COL5A1: variants seen among roughly 807,000 people sequenced by gnomAD.
COL5A1 encodes collagen type V alpha 1 chain.
COL5A1 carries 16 observed loss-of-function variants against 263.7 expected under a neutral mutation model. That is an observed-to-expected ratio of 0.06 (90% confidence interval 0.04 to 0.09). The LOEUF (loss-of-function observed/expected upper bound fraction) is 0.09. Ranked by LOEUF, COL5A1 falls within the 10% of genes least tolerant of loss-of-function variation. The pLI is 1.00. For missense variants in COL5A1, 2,036 were observed against 2,540.5 expected (o/e 0.80, Z 4.27); for synonymous variants, 1,012 against 1,004.5 (o/e 1.01, Z -0.14).
chr9:134,769,212 A>T (rs1159845075), intron 25 of COL5A1, among the ~76,000 whole-genome samples: 2 of 152,234 alleles, frequency 1.3e-5, no homozygotes, highest in African/African-American at 4.8e-5. Flanking sequence ...TAAACAAGGA[A>T]GTTAAATATG....
intron 4 of COL5A1, among the ~76,000 whole-genome samples, chr9:134,722,875 C>T (rs1046523009): frequency 3.3e-5 from 5 of 151,868 alleles, no homozygotes; most frequent in East Asian, 1.9e-4. Flanking sequence ...CTGGCCTCAG[C>T]GGGTGGAGAG....
intron 4 of COL5A1, among the ~76,000 whole-genome samples, chr9:134,726,573 C>T (rs117748785): frequency 0.013 from 1,976 of 148,940 alleles, 45 homozygotes; most frequent in East Asian, 0.078. Context: ...AGTGGACAGA[C>T]GGATGGAGGA....
At chr9:134,728,843 C>A (rs1342683271) in intron 6 of COL5A1, 36 bp downstream of exon 6, 3 of 1,613,342 alleles carry the variant, frequency 1.9e-6, no homozygotes, top group Admixed American at 1.7e-5. Context: ...TGGGCTGGGC[C>A]CCTCGAGGCC....
intron 63 of COL5A1, among the ~76,000 whole-genome samples, chr9:134,828,212 C>A (rs7040467): frequency 0.63 from 96,402 of 152,104 alleles, 30,920 homozygotes; most frequent in South Asian, 0.79. Flanking sequence ...AATGGCTGCT[C>A]ACCCACCCAT....
intron 44 of COL5A1, 166 bp downstream of exon 44, chr9:134,810,474 C>A: frequency 3.1e-6 from 2 of 635,674 alleles, no homozygotes; most frequent in Non-Finnish European, 5.6e-6. Flanking sequence ...TGTGTGTGTG[C>A]ACACGCGTGC....
chr9:134,694,396 T>C (rs571483588), intron 2 of COL5A1, among the ~76,000 whole-genome samples: 9 of 152,346 alleles, frequency 5.9e-5, no homozygotes, highest in Non-Finnish European at 7.4e-5. Context: ...GGCAGAGTGA[T>C]CTGGGTGCCA....
intron 1 of COL5A1, among the ~76,000 whole-genome samples, chr9:134,666,413 G>T (rs1832358849): frequency 6.6e-6 from 1 of 152,192 alleles, no homozygotes; most frequent in Non-Finnish European, 1.5e-5. Flanking sequence ...GTGGCTTTTG[G>T]CCTCAGGCGA....
intron 13 of COL5A1, among the ~76,000 whole-genome samples, 171 bp from the exon 14 acceptor site, chr9:134,752,418 T>TC (rs1467332240): frequency 5.3e-4 from 5 of 9,476 alleles, no homozygotes; most frequent in Admixed American, 4.1e-3. Flanking sequence ...CCCATCGAAG[T>TC]CGGGGGGGGG....
At chr9:134,796,736 G>A (rs1264054376) in intron 35 of COL5A1, 112 bp from the exon 36 acceptor site, 7 of 1,008,658 alleles carry the variant, frequency 6.9e-6, no homozygotes, top group Non-Finnish European at 1.1e-5. Flanking sequence ...AGGCCATGGG[G>A]GTGGGAAGAA....
intron 1 of COL5A1, among the ~76,000 whole-genome samples, chr9:134,659,774 C>T (rs1292910310): frequency 6.6e-6 from 1 of 152,188 alleles, no homozygotes; most frequent in South Asian, 2.1e-4. Flanking sequence ...CCCCGAGTAC[C>T]GTCCTCGATG....
At chr9:134,816,916 G>A (rs984614716) in intron 52 of COL5A1, 110 bp from the exon 53 acceptor site, 14 of 987,202 alleles carry the variant, frequency 1.4e-5, no homozygotes, top group Middle Eastern at 2.2e-4. Context: ...AGAGAGAGGC[G>A]GCCGCAGGGC....
Position 134,724,893 on chromosome 9 carries a change from AG to A in COL5A1, c.655-2371del, listed in dbSNP as rs537706483. On this transcript the variant is annotated intron_variant, in intron 4 of 65. Transcript: ENST00000371817. ...CAGGTGAACCAGGCTCGGGTGAACC[AG>A]GCTCGGGTGAACCAGGCTCGGATGA... is the stretch of plus-strand genomic sequence containing the variant. Among the ~76,000 whole-genome samples, 29 of 152,188 alleles carry A rather than the reference AG, an allele frequency of 1.9e-4. No homozygotes were observed. In the East Asian group the frequency reaches 3.3e-3, roughly 17 times the overall value.
chr9:134,734,819 G>GT (rs1404244825), intron 9 of COL5A1, among the ~76,000 whole-genome samples: 1 of 152,152 alleles, frequency 6.6e-6, no homozygotes, highest in Admixed American at 6.5e-5. Flanking sequence ...ACTGTTTTTT[G>GT]TTTTTAAAAT....
rs1386873832 is a variant in COL5A1, at chr9:134,794,924, TCTC to T, written c.2701-155_2701-153del. Among the ~76,000 whole-genome samples the T allele has an allele frequency of 6.6e-6, 1 of 152,178 alleles. No individual in the cohort carries two copies. Among genetic ancestry groups the T allele is most frequent in the Non-Finnish European group, 1.5e-5 (1 of 68,002 alleles). On this transcript the variant is annotated intron_variant, in intron 32 of 65. Coordinates refer to ENST00000371817, the MANE Select transcript of COL5A1 (RefSeq NM_000093.5). The surrounding 1 kb of genome is among the most constrained non-coding windows in gnomAD (Gnocchi z 4.3). ...GCGGTGAGCTTCTCGCCCTGATAAA[TCTC>T]CTATTAAAACACGGAAAAGGTGGGT...
intron 27 of COL5A1, among the ~76,000 whole-genome samples, chr9:134,779,768 A>T (rs114380439): frequency 1.8e-3 from 278 of 152,292 alleles, no homozygotes; most frequent in African/African-American, 6.0e-3. Context: ...GGGTGTTTCT[A>T]GAAGATGATG....
rs1839027072 is a variant in COL5A1 at position 134,822,109 on chromosome 9, C to A, written c.4567C>A (p.Pro1523Thr). Residue 1523 changes from proline (P) to threonine (T), a missense_variant, in exon 59 of 66, where the codon CCT becomes ACT. Pro to Thr is a conservative substitution (Grantham distance 38). This residue lies in a region of COL5A1 where 1,078 missense variants were observed against 1,521.4 expected (regional missense o/e 0.71). Transcript: ENST00000371817. ...GPKGEQGITG[P>T]SGPIGPPGPP... ...TGGTCCTTTTCAGGGTATCACTGGT[C>A]CTTCTGGCCCGATTGGGCCTCCTGG... 1 of 1,614,020 alleles carries A rather than the reference C, an allele frequency of 6.2e-7. No homozygotes were observed.
chr9:134,725,278 G>A (rs190041710), intron 4 of COL5A1, among the ~76,000 whole-genome samples: 1 of 152,172 alleles, frequency 6.6e-6, no homozygotes, highest in Non-Finnish European at 1.5e-5. Flanking sequence ...ACAGGTCCTC[G>A]GTTTCCTCTG....
chr9:134,789,146 C>T lies in COL5A1; in HGVS notation c.2647-9C>T, dbSNP rs757930358. 19 of 1,612,864 alleles carry T rather than the reference C, an allele frequency of 1.2e-5. No individual in the cohort carries two copies. In the South Asian group the frequency reaches 2.0e-4, roughly 17 times the overall value. ...AGCTCTGATGCCTCCTCCTTAAACT[C>T]TCTTTCAGGGCTCTATTGGATTCCC... is the stretch of plus-strand genomic sequence containing the variant. On this transcript the variant is annotated splice_polypyrimidine_tract_variant and intron_variant, in intron 31 of 65. Transcript: ENST00000371817. The surrounding 1 kb of genome is among the most constrained non-coding windows in gnomAD (Gnocchi z 4.8).
At chr9:134,762,201 C>T in intron 19 of COL5A1, among the ~76,000 whole-genome samples, 1 of 152,334 alleles carries the variant, frequency 6.6e-6, no homozygotes, top group East Asian at 1.9e-4. Flanking sequence ...TTAGTTACTC[C>T]ATCGGTCCTG....
Sources: gnomAD v4.1 joint callset for allele counts (sites outside exome capture counted in the v4.1 genomes callset) on GRCh38, gnomAD v4.1.1 for gene constraint, gnomAD v4.1.1 regional missense constraint, Gnocchi (gnomAD v3.1) non-coding constraint, MANE v1.5 for transcripts, NCBI Gene and HGNC (gene_info 2026-07-23, HGNC 2026-07-21) for gene names.